Variants in CHAF1B observed in about 807,000 individuals in gnomAD.
The protein encoded by CHAF1B is CAF-1 subunit B.
Under a neutral mutation model 60.7 loss-of-function variants are expected in CHAF1B, and 10 were observed. The ratio of observed to expected loss-of-function variants is 0.16; its 90% confidence interval spans 0.10 to 0.28. The LOEUF (loss-of-function observed/expected upper bound fraction) is 0.28. Among genes scored for constraint, CHAF1B ranks in the 10% least tolerant of loss-of-function variants. The pLI, the probability that CHAF1B is intolerant of heterozygous loss-of-function variation, is 1.00. For missense variants in CHAF1B, 558 were observed against 708.4 expected (o/e 0.79, Z 2.41); for synonymous variants, 261 against 266.1 (o/e 0.98, Z 0.19).
In CHAF1B at chr21:36,418,357, C is replaced by T. The variant is rs191662053; in HGVS notation, c.*1991C>T. 1.3e-5 allele frequency: 2 copies of T among 152,320 alleles called. No homozygotes were observed. The highest frequency in any genetic ancestry group is 1.9e-4 in the East Asian group (1 of 5,146). 9.4% of individuals were successfully genotyped at this position (152,320 alleles called of 1,614,324 possible). ...CTCTGCCCCGTCACTGATTGACATC[C>T]TCCTTTGCTGGGGCCGCGGACTGAA... On this transcript the variant is annotated 3_prime_UTR_variant, in exon 14 of 14. Coordinates refer to ENST00000314103, the MANE Select transcript of CHAF1B (RefSeq NM_005441.3).
At chr21:36,409,797 C>G (rs1054882523) in intron 10 of CHAF1B, among the ~76,000 whole-genome samples, 9 of 150,768 alleles carry the variant, frequency 6.0e-5, no homozygotes, top group Non-Finnish European at 8.8e-5. Flanking sequence ...TGTGCCCGGC[C>G]TGGTTTAGTT....
At chr21:36,396,114 C>A (rs1394208091) in intron 5 of CHAF1B, among the ~76,000 whole-genome samples, 1 of 151,652 alleles carries the variant, frequency 6.6e-6, no homozygotes, top group Non-Finnish European at 1.5e-5. Context: ...ATTCTCCTGC[C>A]TCAGCCCTCA....
chr21:36,391,907 A>ATGTTTT (rs2086092077), intron 4 of CHAF1B, among the ~76,000 whole-genome samples: 1 of 67,052 alleles, frequency 1.5e-5, no homozygotes, highest in Non-Finnish European at 2.5e-5. Flanking sequence ...TGATTTTTAA[A>ATGTTTT]TTTTTTTTTT....
intron 2 of CHAF1B, 81 bp from the exon 3 acceptor site, chr21:36,387,517 A>G (rs925875113): frequency 6.5e-7 from 1 of 1,543,570 alleles, no homozygotes; most frequent in Non-Finnish European, 8.9e-7. Flanking sequence ...CACCACACCC[A>G]GCCCATAGTA....
intron 6 of CHAF1B, chr21:36,397,722 T>A: frequency 1.5e-5 from 3 of 195,196 alleles, no homozygotes; most frequent in East Asian, 1.9e-4. Flanking sequence ...AGTAAATCTT[T>A]TTTTTTTTTT....
At chr21:36,403,944 A>G (rs1425480858) in intron 8 of CHAF1B, among the ~76,000 whole-genome samples, 1 of 152,196 alleles carries the variant, frequency 6.6e-6, no homozygotes, top group Admixed American at 6.6e-5. Context: ...TCACACATGC[A>G]GCTGTGTGGG....
intron 4 of CHAF1B, 137 bp from the exon 5 acceptor site, chr21:36,394,408 CTG>C: frequency 1.6e-6 from 1 of 636,584 alleles, no homozygotes; most frequent in Non-Finnish European, 2.8e-6. Context: ...TGGGATTTTA[CTG>C]TGTTAGCCAG....
chr21:36,399,848 C>G lies in CHAF1B; in HGVS notation c.663+243C>G, dbSNP rs113683232. ...GGAGGACAGGACAGTGGTTTTCAAC[C>G]CTGGTTGCACGGTGGAATCACCTGG... On this transcript the variant is annotated intron_variant, in intron 7 of 13. Coordinates refer to ENST00000314103, the MANE Select transcript of CHAF1B (RefSeq NM_005441.3). Among the ~76,000 whole-genome samples the G allele has an allele frequency of 7.3e-4, 111 of 152,252 alleles. 1 individual carries two copies. Among genetic ancestry groups the G allele is most frequent in the African/African-American group, 2.6e-3 (106 of 41,556 alleles).
intron 12 of CHAF1B, among the ~76,000 whole-genome samples, 188 bp from the exon 13 acceptor site, chr21:36,415,107 T>C (rs766726904): frequency 2.0e-5 from 3 of 152,206 alleles, no homozygotes; most frequent in Non-Finnish European, 2.9e-5. Flanking sequence ...TGGTTTAACT[T>C]AATACATGAA....
At chr21:36,399,654 T>C (rs1016562330) in intron 7 of CHAF1B, 49 bp downstream of exon 7, 1 of 1,477,384 alleles carries the variant, frequency 6.8e-7, no homozygotes, top group African/African-American at 1.4e-5. Context: ...AACTGAGACT[T>C]AGGAAGTCAT....
intron 3 of CHAF1B, among the ~76,000 whole-genome samples, chr21:36,388,666 C>T (rs1425347534): frequency 2.0e-5 from 3 of 152,064 alleles, no homozygotes; most frequent in African/African-American, 7.2e-5. Context: ...GGGGTTTCGC[C>T]TTGTCAGCCA....
In CHAF1B at chr21:36,413,257, C is replaced by T. The variant is rs1371017998; in HGVS notation, c.1435C>T (p.His479Tyr). Residue 479 changes from histidine (H) to tyrosine (Y), a missense_variant, in exon 12 of 14, where the codon CAC (histidine) becomes TAC (tyrosine). This residue lies in a region of CHAF1B where 233 missense variants were observed against 214.9 expected (regional missense o/e 1.08). Coordinates refer to ENST00000314103, the MANE Select transcript of CHAF1B (RefSeq NM_005441.3). ...GCCCAGTAGTCAAAACACAAAAGCC[C>T]ACCCATCCCGGAGGGTCACTCTGAA... ...LQPSSQNTKA[H>Y]PSRRVTLNTL... is the part of the protein sequence containing the mutation. 8 of 1,613,426 alleles carry T rather than the reference C, an allele frequency of 5.0e-6. No individual in the cohort carries two copies. The highest frequency in any genetic ancestry group is 1.3e-5 in the African/African-American group (1 of 74,884).
chr21:36,394,966 G>C (rs527829785), intron 5 of CHAF1B, among the ~76,000 whole-genome samples: 213 of 151,772 alleles, frequency 1.4e-3, no homozygotes, highest in Non-Finnish European at 2.6e-3. Context: ...CCTAACCTCA[G>C]GTGATCTGCC....
Position 36,417,293 on chromosome 21 carries a change from T to TAC in CHAF1B, c.*928_*929insCA, listed in dbSNP as rs1388876305. The TAC allele has an allele frequency of 2.0e-5, 3 of 151,112 alleles. No homozygotes were observed. The highest frequency in any genetic ancestry group is 7.3e-5 in the African/African-American group (3 of 41,108). The allele number at this position is 151,112 out of a possible 1,614,324, so 9.4% of individuals were successfully genotyped here. ...CATATATATGATACATATATATATA[T>TAC]ATACACACACACACAAGTATGTGTG... On this transcript the variant is annotated 3_prime_UTR_variant, in exon 14 of 14. Coordinates refer to ENST00000314103, the MANE Select transcript of CHAF1B (RefSeq NM_005441.3).
chr21:36,401,397 T>C (rs984722045), intron 7 of CHAF1B, among the ~76,000 whole-genome samples: 9 of 127,090 alleles, frequency 7.1e-5, no homozygotes, highest in Non-Finnish European at 1.4e-4. Context: ...ATATTATACA[T>C]AATATATATT....
intron 3 of CHAF1B, among the ~76,000 whole-genome samples, chr21:36,389,800 T>TGTGTGCGCGCGCGC: frequency 1.2e-3 from 149 of 124,792 alleles, no homozygotes; most frequent in Admixed American, 2.8e-3. Flanking sequence ...TGTGTGTGTG[T>TGTGTGCGCGCGCGC]GCGCGCGCAC....
At chr21:36,391,463 C>CA (rs376106303) in intron 3 of CHAF1B, 88 bp from the exon 4 acceptor site, 56,344 of 510,886 alleles carry the variant, frequency 0.11, 2 homozygotes, top group East Asian at 0.13. Flanking sequence ...GACTCCGTCT[C>CA]AAAAAAAAAA....
intron 7 of CHAF1B, among the ~76,000 whole-genome samples, chr21:36,402,344 A>G (rs1188200910): frequency 6.6e-6 from 1 of 152,138 alleles, no homozygotes; most frequent in African/African-American, 2.4e-5. Flanking sequence ...ATTCTAATGA[A>G]TCCACACAGA....
intron 6 of CHAF1B, among the ~76,000 whole-genome samples, chr21:36,399,217 G>T (rs2086166675): frequency 6.6e-6 from 1 of 151,768 alleles, no homozygotes; most frequent in South Asian, 2.1e-4. Context: ...TGTATTTTTG[G>T]TAGAGATGGG....
Sources: gnomAD v4.1 joint callset for allele counts (sites outside exome capture counted in the v4.1 genomes callset) on GRCh38, gnomAD v4.1.1 for gene constraint, gnomAD v4.1.1 regional missense constraint, MANE v1.5 for transcripts, NCBI Gene and HGNC (gene_info 2026-07-23, HGNC 2026-07-21) for gene names.